Variants in CSMD2 observed in about 807,000 individuals in gnomAD.
CSMD2 encodes CUB and sushi domain-containing protein 2.
CSMD2 carries 130 observed loss-of-function variants against 398.5 expected under a neutral mutation model. That is an observed-to-expected ratio of 0.33 (90% CI 0.28 to 0.38). The LOEUF is 0.38. Among genes scored for constraint, CSMD2 ranks in the 10% least tolerant of loss-of-function variants. The pLI, the probability that CSMD2 is intolerant of heterozygous loss-of-function variation, is 1.00. For synonymous variants in CSMD2, 1,828 were observed against 1,908.5 expected, an observed-to-expected ratio of 0.96 and a Z score of 1.10; for missense variants, 3,829 against 4,764.9, an observed-to-expected ratio of 0.80 and a Z score of 5.78.
In CSMD2 at chr1:33,533,349, G is replaced by T; in HGVS notation, c.9992-120C>A. On this transcript the variant is annotated intron_variant, in intron 63 of 70. Transcript: ENST00000373381. This position sits in a 1 kb window ranked among gnomAD's most constrained non-coding sequence, Gnocchi z 4.2. ...TCCTTTCCCTTCCAGTCCCTTTCAT[G>T]CCAAGCATCCCCCTCCCTAATCCTC... 1.1e-6 allele frequency: 1 copy of T among 912,024 alleles called. No individual in the cohort carries two copies. Among genetic ancestry groups the T allele is most frequent in the South Asian group, 1.5e-5 (1 of 65,378 alleles). The allele number at this position is 912,024 out of a possible 1,614,324, so 56.5% of individuals were successfully genotyped here.
chr1:33,936,131 G>A (rs1644474243), intron 3 of CSMD2, among the ~76,000 whole-genome samples, 177 bp from the exon 4 acceptor site: 1 of 152,194 alleles, frequency 6.6e-6, no homozygotes, highest in Admixed American at 6.5e-5. Context: ...TAGATTCCCT[G>A]GGAATGGGTT....
intron 3 of CSMD2, among the ~76,000 whole-genome samples, chr1:33,993,963 T>G (rs1487883180): frequency 2.0e-5 from 3 of 152,176 alleles, no homozygotes; most frequent in Admixed American, 6.5e-5. Flanking sequence ...GTGTCTAGCT[T>G]ATAACCACCT....
chr1:34,148,372 C>T lies in CSMD2; in HGVS notation c.187+16539G>A, dbSNP rs117722031. Among the ~76,000 whole-genome samples, 514 of 152,314 alleles carry T rather than the reference C, an allele frequency of 3.4e-3. 1 individual carries two copies. Among genetic ancestry groups the T allele is most frequent in the East Asian group, 0.024 (127 of 5,184 alleles). ...CCCAGTCTCTCAGCAATCCTTCACT[C>T]TGAAAAATCTGCCGTAATTTGGTGC... On this transcript the variant is annotated intron_variant, in intron 1 of 70. Transcript: ENST00000373381.
At chr1:33,924,532 T>A (rs1644058071) in intron 4 of CSMD2, among the ~76,000 whole-genome samples, 1 of 152,234 alleles carries the variant, frequency 6.6e-6, no homozygotes, top group Non-Finnish European at 1.5e-5. Flanking sequence ...ATACATTGAT[T>A]TCCTTTCCTT....
rs1641969754 is a variant in CSMD2, at chr1:33,624,455, C to T, written c.5625+64G>A. The T allele has an allele frequency of 1.3e-6, 2 of 1,591,498 alleles. No individual in the cohort carries two copies. The highest frequency in any genetic ancestry group is 2.2e-5 in the East Asian group (1 of 44,634). On this transcript the variant is annotated intron_variant, in intron 35 of 70. Coordinates refer to ENST00000373381, the MANE Select transcript of CSMD2 (RefSeq NM_001281956.2). The surrounding 1 kb of genome is among the most constrained non-coding windows in gnomAD (Gnocchi z 4.7). ...CACCAGCCAGCACCTGTGGTTGTCA[C>T]CTGTGAGCTGTTACCTGGGAGCAGA...
At chr1:33,912,736 A>T (rs1643520199) in intron 5 of CSMD2, among the ~76,000 whole-genome samples, 1 of 152,102 alleles carries the variant, frequency 6.6e-6, no homozygotes, top group African/African-American at 2.4e-5. Flanking sequence ...CTCACTGTGG[A>T]GTACCTCTGC....
intron 5 of CSMD2, among the ~76,000 whole-genome samples, chr1:33,887,117 C>T (rs557772184): frequency 3.3e-5 from 5 of 152,074 alleles, no homozygotes; most frequent in African/African-American, 1.2e-4. Context: ...TCTGTTTCCT[C>T]GGACATTCAC....
Position 33,519,685 on chromosome 1 carries a change from T to G in CSMD2, c.10737-8A>C. ...GGAACTTTGGGTCTTCTCCTGGCGA[T>G]AAAAGAGGAAGTGCCCACGGCATGA... On this transcript the variant is annotated splice_polypyrimidine_tract_variant and splice_region_variant and intron_variant, in intron 69 of 70. Transcript: ENST00000373381. This position sits in a 1 kb window ranked among gnomAD's most constrained non-coding sequence, Gnocchi z 5.6. The G allele has an allele frequency of 6.2e-7, 1 of 1,613,788 alleles. No homozygotes were observed. The highest frequency in any genetic ancestry group is 1.1e-5 in the South Asian group (1 of 91,038).
chr1:33,671,733 C>T (rs946268018), intron 25 of CSMD2, among the ~76,000 whole-genome samples: 2 of 152,004 alleles, frequency 1.3e-5, no homozygotes, highest in African/African-American at 2.4e-5. Context: ...GCTTCAGCAA[C>T]AGGAGATTTT....
intron 4 of CSMD2, 78 bp downstream of exon 4, chr1:33,935,682 G>A: frequency 7.0e-7 from 1 of 1,427,350 alleles, no homozygotes; most frequent in Non-Finnish European, 9.4e-7. Context: ...TGCCCTTTGA[G>A]ACTGGATGTC....
At chr1:33,534,128 T>G (rs1655535202) in intron 62 of CSMD2, among the ~76,000 whole-genome samples, 2 of 152,182 alleles carry the variant, frequency 1.3e-5, no homozygotes, top group Admixed American at 1.3e-4. Flanking sequence ...AGTTGTAATA[T>G]TACACTCTGT....
At chr1:33,531,240 TA>T (rs1263024901) in intron 64 of CSMD2, among the ~76,000 whole-genome samples, 2 of 152,152 alleles carry the variant, frequency 1.3e-5, no homozygotes, top group East Asian at 1.9e-4. Context: ...ATTTGTCAAT[TA>T]AAAAATAATT....
In CSMD2 at chr1:33,835,695, A is replaced by C. The variant is rs990386767; in HGVS notation, c.1034-9921T>G. ...AAACAAAACAAAACAAAACAAAAAA[A>C]ACAAACAAAAATACATTTCAAAAAA... On this transcript the variant is annotated intron_variant, in intron 6 of 70. Transcript: ENST00000373381. 2.8e-5 allele frequency among the ~76,000 whole-genome samples: 3 copies of C among 108,492 alleles called. No individual in the cohort carries two copies. In the East Asian group the frequency reaches 9.1e-4, roughly 33 times the overall value. 71.2% of individuals were successfully genotyped at this position (108,492 alleles called of 152,430 possible). A position where few individuals can be genotyped will look rare whatever the true frequency, so the allele number is the denominator to read the frequency against.
intron 27 of CSMD2, among the ~76,000 whole-genome samples, chr1:33,656,701 C>T (rs1207049873): frequency 6.6e-6 from 1 of 152,258 alleles, no homozygotes; most frequent in Non-Finnish European, 1.5e-5. Flanking sequence ...TGCATTCAGA[C>T]TGGCGTGGGT....
chr1:33,643,884 GGGAATGAA>G (rs1453684027), intron 29 of CSMD2, among the ~76,000 whole-genome samples: 1 of 135,206 alleles, frequency 7.4e-6, no homozygotes, highest in Non-Finnish European at 1.6e-5. Flanking sequence ...TGTGTAGTCT[GGGAATGAA>G]GGAAGGAAGG....
At chr1:33,849,236 T>A (rs1407828242) in intron 5 of CSMD2, among the ~76,000 whole-genome samples, 3 of 152,216 alleles carry the variant, frequency 2.0e-5, no homozygotes, top group Non-Finnish European at 4.4e-5. Flanking sequence ...TTGGCATCTA[T>A]CAAAGAATTG....
intron 24 of CSMD2, 88 bp from the exon 25 acceptor site, chr1:33,693,144 G>C (rs1645299702): frequency 1.4e-6 from 2 of 1,434,228 alleles, no homozygotes; most frequent in African/African-American, 2.9e-5. Flanking sequence ...GTTTGCTCTT[G>C]AGTCCCTTCC....
intron 41 of CSMD2, among the ~76,000 whole-genome samples, chr1:33,608,545 A>G (rs763401157): frequency 2.0e-5 from 3 of 152,230 alleles, no homozygotes; most frequent in Non-Finnish European, 4.4e-5. Flanking sequence ...GGAAATAGAC[A>G]GGATCTTTAC....
intron 3 of CSMD2, among the ~76,000 whole-genome samples, chr1:33,958,364 C>T (rs1252311641): frequency 6.6e-6 from 1 of 152,302 alleles, no homozygotes; most frequent in East Asian, 1.9e-4. Context: ...TGAAATGCCC[C>T]TCAGCATCCC....
Sources: gnomAD v4.1 joint callset for allele counts (sites outside exome capture counted in the v4.1 genomes callset) on GRCh38, gnomAD v4.1.1 for gene constraint, Gnocchi (gnomAD v3.1) non-coding constraint, MANE v1.5 for transcripts, NCBI Gene and HGNC (gene_info 2026-07-23, HGNC 2026-07-21) for gene names.